Variants in HOOK1 observed in about 807,000 individuals in gnomAD.
HOOK1 encodes the protein protein Hook homolog 1.
A neutral mutation model predicts 112.8 loss-of-function variants in HOOK1; 60 were observed. The ratio of observed to expected loss-of-function variants is 0.53; its 90% CI spans 0.43 to 0.66. The LOEUF is 0.66. Ranked by LOEUF, HOOK1 falls within the 30% of genes least tolerant of loss-of-function variation. The pLI is 0.00. For synonymous variants in HOOK1, 294 were observed against 283.8 expected, an observed-to-expected ratio of 1.04 and a Z score of -0.36; for missense variants, 770 against 856.0, an observed-to-expected ratio of 0.90 and a Z score of 1.25.
In HOOK1 at chr1:59,836,936, G is replaced by T; in HGVS notation, c.537+1G>T. On this transcript the variant is annotated splice_donor_variant, in intron 7 of 21. Coordinates refer to ENST00000371208, the MANE Select transcript of HOOK1 (RefSeq NM_015888.6). LOFTEE classifies it high-confidence loss of function. Reference sequence around the variant, plus strand: ...TGCTGTTGGAGAATTGGAGCAACAGGTGAGTATTTTAGTATGGAAGAAAAA... The same window carrying T: ...TGCTGTTGGAGAATTGGAGCAACAGTTGAGTATTTTAGTATGGAAGAAAAA... The T allele has an allele frequency of 6.3e-7, 1 of 1,588,100 alleles. No homozygotes were observed. The highest frequency in any genetic ancestry group is 8.6e-7 in the Non-Finnish European group (1 of 1,159,946).
chr1:59,854,033 T>G (rs1415683074), intron 12 of HOOK1, among the ~76,000 whole-genome samples: 1 of 27,176 alleles, frequency 3.7e-5, no homozygotes, highest in African/African-American at 2.0e-4. Flanking sequence ...TATATATATA[T>G]ATATATTTTT....
chr1:59,815,114 G>T lies in HOOK1; in HGVS notation c.-4G>T. The T allele has an allele frequency of 1.3e-6, 2 of 1,540,760 alleles. No individual in the cohort carries two copies. Among genetic ancestry groups the T allele is most frequent in the East Asian group, 2.4e-5 (1 of 40,866 alleles). On this transcript the variant is annotated 5_prime_UTR_variant, in exon 1 of 22. Transcript: ENST00000371208. ...CCGCGGCGTCGTCGACGGCGGCGCC[G>T]GCCATGGAGGAGACGCAGCCGCCGC...
chr1:59,868,463 A>G (rs1559063855), intron 20 of HOOK1, 112 bp downstream of exon 20: 2 of 719,540 alleles, frequency 2.8e-6, no homozygotes, highest in African/African-American at 1.8e-5. Context: ...TAAAAATGTC[A>G]TGTTTTAGCA....
rs542506180 is a variant in HOOK1 at position 59,832,761 on chromosome 1, G to A, written c.273+548G>A. 1.2e-4 allele frequency among the ~76,000 whole-genome samples: 19 copies of A among 152,080 alleles called. No individual in the cohort carries two copies. In the East Asian group the frequency reaches 3.7e-3, roughly 29 times the overall value. On this transcript the variant is annotated intron_variant, in intron 4 of 21. Transcript: ENST00000371208. Reference sequence around the variant, plus strand: ...TATTGCTGAATGATTGGCAGCTTTTGAATGACTTTTCCATTAAAGAATTTT... The same window carrying A: ...TATTGCTGAATGATTGGCAGCTTTTAAATGACTTTTCCATTAAAGAATTTT...
chr1:59,865,081 C>G, intron 17 of HOOK1, 82 bp from the exon 18 acceptor site: 1 of 818,472 alleles, frequency 1.2e-6, no homozygotes, highest in Non-Finnish European at 2.1e-6. Context: ...AGATGAGGAA[C>G]CAAGGGTCAG....
chr1:59,868,277 A>G lies in HOOK1; in HGVS notation c.1873A>G (p.Asn625Asp), dbSNP rs771582202. The G allele has an allele frequency of 6.2e-7, 1 of 1,609,014 alleles. No homozygotes were observed. The highest frequency in any genetic ancestry group is 8.5e-7 in the Non-Finnish European group (1 of 1,176,246). ...NVIKTLDPKLNPASAEIMLLR... is the reference protein window; with the variant it reads ...NVIKTLDPKLDPASAEIMLLR... ...AATAAAAACTTTGGATCCCAAGTTA[A>G]ATCCAGCATCAGCTGAAATAATGCT... The change falls in exon 20 of 22, where the codon AAT becomes GAT. Residue 625 changes from asparagine to aspartate, a missense_variant. Asn to Asp is a conservative substitution (Grantham distance 23, BLOSUM62 1). Around this residue, in one of 3 missense-constraint regions of HOOK1, gnomAD observed 655 missense variants for 725.9 expected, o/e 0.90. Coordinates refer to ENST00000371208, the MANE Select transcript of HOOK1 (RefSeq NM_015888.6).
At chr1:59,817,967 A>G (rs186018355) in intron 1 of HOOK1, among the ~76,000 whole-genome samples, 15 of 152,354 alleles carry the variant, frequency 9.8e-5, no homozygotes, top group Admixed American at 4.6e-4. Context: ...TGGTGATAGT[A>G]AATATCATTG....
chr1:59,825,552 C>G lies in HOOK1; in HGVS notation c.150-3228C>G, dbSNP rs146114752. On this transcript the variant is annotated intron_variant, in intron 2 of 21. Transcript: ENST00000371208. ...ATCATTATAGAACTTATTTGACTTTCTTTCATTTAAAATTTACTAGTTTAG... is the reference window on the plus strand; with the variant it reads ...ATCATTATAGAACTTATTTGACTTTGTTTCATTTAAAATTTACTAGTTTAG... Among the ~76,000 whole-genome samples, 349 of 152,278 alleles carry G rather than the reference C, an allele frequency of 2.3e-3. 1 individual carries two copies. The highest frequency in any genetic ancestry group is 7.9e-3 in the African/African-American group (329 of 41,566).
At chr1:59,842,558 A>G (rs779475852) in intron 8 of HOOK1, among the ~76,000 whole-genome samples, 5 of 152,102 alleles carry the variant, frequency 3.3e-5, no homozygotes, top group African/African-American at 1.2e-4. Flanking sequence ...TTAATTTCCT[A>G]TTAGTTCTTT....
intron 16 of HOOK1, chr1:59,863,803 T>C (rs200136050): frequency 1.5e-5 from 12 of 790,012 alleles, no homozygotes; most frequent in Non-Finnish European, 7.6e-6. Flanking sequence ...CTTTTTTTTT[T>C]CCCTGGGGGC....
At chr1:59,831,661 C>T (rs908278430) in intron 3 of HOOK1, among the ~76,000 whole-genome samples, 37 of 152,186 alleles carry the variant, frequency 2.4e-4, no homozygotes, top group African/African-American at 7.5e-4. Context: ...GTGAGAACAT[C>T]AGGCTTGGTG....
rs1157742621 is a variant in HOOK1, at chr1:59,873,113, A to C, written c.*148A>C. ...TTTAAAATCAACATGCATCAAATTAATTTTGCCAGTTGACTTTAAAAACAA... is the reference window on the plus strand; with the variant it reads ...TTTAAAATCAACATGCATCAAATTACTTTTGCCAGTTGACTTTAAAAACAA... On this transcript the variant is annotated 3_prime_UTR_variant, in exon 22 of 22. Transcript: ENST00000371208. 1.6e-6 allele frequency: 1 copy of C among 629,254 alleles called. No homozygotes were observed. Among genetic ancestry groups the C allele is most frequent in the Non-Finnish European group, 2.4e-6 (1 of 420,650 alleles). The allele number at this position is 629,254 out of a possible 1,614,324, so 39.0% of individuals were successfully genotyped here.
intron 2 of HOOK1, among the ~76,000 whole-genome samples, chr1:59,826,363 C>T (rs893155036): frequency 6.6e-6 from 1 of 151,684 alleles, no homozygotes; most frequent in African/African-American, 2.4e-5. Context: ...AAAGAGATGC[C>T]CTGAGATTTC....
rs1250827316 is a variant in HOOK1, at chr1:59,871,103, A to G, written c.2009A>G (p.Tyr670Cys). ...GAAAAACTCATTGTTTCTGCGTGGT[A>G]TAATAAGGTGAGCTGAAGTTCAGCA... ...YEEKLIVSAW[Y>C]NKSLAFQKLG... Residue 670 changes from tyrosine to cysteine, a missense_variant, in exon 21 of 22, where the codon TAT becomes TGT. Tyr to Cys is a radical substitution (Grantham distance 194). Around this residue, in one of 3 missense-constraint regions of HOOK1, gnomAD observed 111 missense variants for 111.8 expected, o/e 0.99. Transcript: ENST00000371208. 1.2e-6 allele frequency: 2 copies of G among 1,610,540 alleles called. No homozygotes were observed. The highest frequency in any genetic ancestry group is 1.7e-5 in the Admixed American group (1 of 59,954).
At chr1:59,856,492 T>G (rs2098410842) in intron 12 of HOOK1, among the ~76,000 whole-genome samples, 1 of 151,822 alleles carries the variant, frequency 6.6e-6, no homozygotes, top group Non-Finnish European at 1.5e-5. Flanking sequence ...TTTTTCACCC[T>G]GTGTATAGGC....
At position 59,815,090 on chromosome 1, in the gene HOOK1, C is replaced by A. The variant is rs1274623466; in HGVS notation, c.-28C>A. ...CGGTAGGAGGGAGTGTGAAGGTGTCCGCGGCGTCGTCGACGGCGGCGCCGG... is the reference window on the plus strand; with the variant it reads ...CGGTAGGAGGGAGTGTGAAGGTGTCAGCGGCGTCGTCGACGGCGGCGCCGG... On this transcript the variant is annotated 5_prime_UTR_variant, in exon 1 of 22. Transcript: ENST00000371208. The A allele has an allele frequency of 6.5e-7, 1 of 1,537,140 alleles. No homozygotes were observed. Among genetic ancestry groups the A allele is most frequent in the Non-Finnish European group, 8.7e-7 (1 of 1,145,488 alleles).
intron 9 of HOOK1, among the ~76,000 whole-genome samples, chr1:59,844,394 A>G (rs913018563): frequency 6.6e-6 from 1 of 151,938 alleles, no homozygotes; most frequent in South Asian, 2.1e-4. Context: ...ATTATTGTGA[A>G]AAATGATATA....
intron 1 of HOOK1, among the ~76,000 whole-genome samples, chr1:59,817,228 C>G (rs1382882569): frequency 6.6e-6 from 1 of 152,192 alleles, no homozygotes; most frequent in East Asian, 1.9e-4. Context: ...TTTCCCCTTT[C>G]CTTCACAGTA....
intron 20 of HOOK1, among the ~76,000 whole-genome samples, chr1:59,868,582 A>G (rs112004653): frequency 1.3e-5 from 2 of 152,364 alleles, no homozygotes; most frequent in African/African-American, 4.8e-5. Flanking sequence ...CTTCTTGTCA[A>G]TAACAGGCAT....
Sources: gnomAD v4.1 joint callset for allele counts (sites outside exome capture counted in the v4.1 genomes callset) on GRCh38, gnomAD v4.1.1 for gene constraint, gnomAD v4.1.1 regional missense constraint, MANE v1.5 for transcripts, NCBI Gene and HGNC (gene_info 2026-07-23, HGNC 2026-07-21) for gene names.